TERF1: variants seen among roughly 807,000 people sequenced by gnomAD.
TERF1 encodes the protein telomeric repeat-binding factor 1.
TERF1 carries 20 observed loss-of-function variants against 55.1 expected under a neutral mutation model. That is an observed-to-expected ratio of 0.36 (90% CI 0.26 to 0.53). TERF1 has a LOEUF of 0.53. TERF1 is among the 20% of genes least tolerant of loss of function. TERF1 has a pLI of 0.91. For synonymous variants in TERF1, 168 were observed against 181.2 expected, an observed-to-expected ratio of 0.93 and a Z score of 0.59; for missense variants, 439 against 535.7, an observed-to-expected ratio of 0.82 and a Z score of 1.78.
Position 73,008,870 on chromosome 8 carries a change from C to T in TERF1, c.-17C>T. The T allele has an allele frequency of 1.9e-6, 3 of 1,590,882 alleles. No individual in the cohort carries two copies. The highest frequency in any genetic ancestry group is 2.6e-6 in the Non-Finnish European group (3 of 1,169,802). ...GCTCGGCGCCTGAAGGGGCAGTACC[C>T]AAGCGAGCCATTTAACATGGCGGAG... On this transcript the variant is annotated 5_prime_UTR_variant, in exon 1 of 10. Transcript: ENST00000276603.
At chr8:73,024,128 A>G (rs747061691) in intron 4 of TERF1, among the ~76,000 whole-genome samples, 2 of 152,204 alleles carry the variant, frequency 1.3e-5, no homozygotes, top group East Asian at 1.9e-4. Flanking sequence ...AACACATACA[A>G]TGCACAGAAG....
intron 9 of TERF1, among the ~76,000 whole-genome samples, chr8:73,041,249 G>T (rs1244414350): frequency 6.6e-6 from 1 of 151,932 alleles, no homozygotes. Flanking sequence ...ATCTGTCTAG[G>T]AGTTACCGTT....
chr8:73,018,397 C>T (rs1028860108), intron 2 of TERF1, among the ~76,000 whole-genome samples: 4 of 152,198 alleles, frequency 2.6e-5, no homozygotes, highest in Non-Finnish European at 5.9e-5. Context: ...TTTATTCGGT[C>T]GGGCTTGGTG....
chr8:73,034,551 C>T (rs1194197981), intron 8 of TERF1, among the ~76,000 whole-genome samples: 1 of 152,246 alleles, frequency 6.6e-6, no homozygotes, highest in Non-Finnish European at 1.5e-5. Flanking sequence ...AGCCACTGCT[C>T]CCAGCCCTAA....
chr8:73,036,279 T>C (rs1809503844), intron 8 of TERF1, among the ~76,000 whole-genome samples: 1 of 152,200 alleles, frequency 6.6e-6, no homozygotes, highest in Admixed American at 6.5e-5. Context: ...ATTGCCTATC[T>C]GACTGGCTAT....
At chr8:73,030,108 C>T (rs1355305443) in intron 6 of TERF1, 3 of 363,394 alleles carry the variant, frequency 8.3e-6, no homozygotes, top group African/African-American at 6.3e-5. Flanking sequence ...TTGACTACAC[C>T]ATTAATTATG....
At chr8:73,024,686 A>G in intron 4 of TERF1, 136 bp from the exon 5 acceptor site, 1 of 655,588 alleles carries the variant, frequency 1.5e-6, no homozygotes, top group Middle Eastern at 4.3e-4. Flanking sequence ...ATGCCATTTA[A>G]AACTTAATTT....
intron 8 of TERF1, among the ~76,000 whole-genome samples, chr8:73,036,803 C>T (rs1046700806): frequency 2.0e-4 from 28 of 136,782 alleles, no homozygotes; most frequent in African/African-American, 7.5e-4. Flanking sequence ...ATTTGTATCA[C>T]TTTTATTATT....
intron 1 of TERF1, 83 bp downstream of exon 1, chr8:73,009,288 A>C (rs1808172201): frequency 3.1e-6 from 2 of 642,194 alleles, no homozygotes; most frequent in African/African-American, 3.6e-5. Flanking sequence ...CTGGTTCCCT[A>C]CGTCGCCGAG....
At chr8:73,019,080 A>G (rs1391646994) in intron 2 of TERF1, 1 of 152,206 alleles carries the variant, frequency 6.6e-6, no homozygotes, top group East Asian at 1.9e-4. Context: ...GACATTTCCT[A>G]GTCTCTTAGC....
chr8:73,028,685 A>G (rs773097178), intron 6 of TERF1, among the ~76,000 whole-genome samples: 6 of 146,844 alleles, frequency 4.1e-5, no homozygotes, highest in Non-Finnish European at 6.0e-5. Flanking sequence ...CTTCTATTTG[A>G]ATTCCTATCA....
At chr8:73,013,828 C>A in intron 1 of TERF1, 67 bp from the exon 2 acceptor site, 1 of 957,392 alleles carries the variant, frequency 1.0e-6, no homozygotes, top group Non-Finnish European at 1.6e-6. Context: ...TATTACTCAA[C>A]AAACCACACA....
At position 73,047,973 on chromosome 8, in the gene TERF1, A is replaced by G. The variant is rs1810109354; in HGVS notation, c.*1836A>G. 1 of 152,362 alleles carries G rather than the reference A, an allele frequency of 6.6e-6. No individual in the cohort carries two copies. The highest frequency in any genetic ancestry group is 3.4e-3 in the Middle Eastern group (1 of 294). The allele number at this position is 152,362 out of a possible 1,614,324, so 9.4% of individuals were successfully genotyped here. ...TAGAAAAGAAAAATCGGTATCAATT[A>G]TAGTATGGTGCTTTCTTATTTTGAA... On this transcript the variant is annotated 3_prime_UTR_variant, in exon 10 of 10. Coordinates refer to ENST00000276603, the MANE Select transcript of TERF1 (RefSeq NM_017489.3).
intron 9 of TERF1, among the ~76,000 whole-genome samples, chr8:73,041,101 T>C (rs915078681): frequency 3.3e-5 from 5 of 152,190 alleles, no homozygotes; most frequent in Admixed American, 2.6e-4. Flanking sequence ...TTGAGTGTGG[T>C]CCTGGTGCTT....
At chr8:73,041,863 A>C (rs951162919) in intron 9 of TERF1, among the ~76,000 whole-genome samples, 1 of 152,126 alleles carries the variant, frequency 6.6e-6, no homozygotes, top group Non-Finnish European at 1.5e-5. Context: ...TTTAACTCTG[A>C]AGCTTATCCA....
chr8:73,036,225 G>T (rs1809500875), intron 8 of TERF1, among the ~76,000 whole-genome samples: 1 of 152,210 alleles, frequency 6.6e-6, no homozygotes, highest in Non-Finnish European at 1.5e-5. Context: ...CCAGGAGAGA[G>T]CAGTTGGCCT....
intron 9 of TERF1, among the ~76,000 whole-genome samples, chr8:73,042,463 T>A (rs60222995): frequency 0.017 from 2,523 of 148,176 alleles, 66 homozygotes; most frequent in African/African-American, 0.057. Flanking sequence ...TTGAGGTTTT[T>A]AAAAAAAAAA....
intron 8 of TERF1, chr8:73,038,661 A>G (rs529650044): frequency 3.6e-6 from 2 of 562,258 alleles, no homozygotes; most frequent in South Asian, 7.9e-5. Context: ...TTTTCTGCCT[A>G]AACAATTATC....
At chr8:73,043,569 T>G (rs1809916025) in intron 9 of TERF1, among the ~76,000 whole-genome samples, 1 of 152,156 alleles carries the variant, frequency 6.6e-6, no homozygotes, top group East Asian at 1.9e-4. Context: ...ATGACTTAAA[T>G]TTTAATATGG....
Sources: allele counts gnomAD v4.1 joint callset (sites outside exome capture counted in the v4.1 genomes callset), GRCh38; gene constraint gnomAD v4.1.1; transcripts MANE v1.5; gene names NCBI Gene and HGNC (gene_info 2026-07-23, HGNC 2026-07-21).